Variants in ATG5 observed in about 807,000 individuals in gnomAD.
ATG5 encodes the protein autophagy related 5.
In ATG5, 14 loss-of-function variants were observed where a neutral mutation model predicts 36.5. That is an observed-to-expected ratio of 0.38 (90% CI 0.25 to 0.60). The LOEUF (loss-of-function observed/expected upper bound fraction) is 0.60, where lower values mean the gene tolerates loss of function less well. Among genes scored for constraint, ATG5 ranks in the 20% least tolerant of loss-of-function variants. The pLI is 0.60. For synonymous variants in ATG5, 95 were observed against 101.5 expected (o/e 0.94, Z 0.38); for missense variants, 195 against 326.7 (o/e 0.60, Z 3.11).
chr6:106,251,767 G>GAA, intron 5 of ATG5, among the ~76,000 whole-genome samples: 1 of 149,096 alleles, frequency 6.7e-6, no homozygotes, highest in African/African-American at 2.5e-5. Flanking sequence ...AAAAAGAAAA[G>GAA]AAGAAAAGAA....
intron 2 of ATG5, among the ~76,000 whole-genome samples, chr6:106,309,951 T>A (rs184483162): frequency 6.6e-6 from 1 of 152,090 alleles, no homozygotes; most frequent in Non-Finnish European, 1.5e-5. Flanking sequence ...CCACAGCTAA[T>A]GGGTATGGAT....
In ATG5 at chr6:106,223,056, T is replaced by C. The variant is rs1319169200; in HGVS notation, c.574-20967A>G. 2.0e-5 allele frequency among the ~76,000 whole-genome samples: 3 copies of C among 152,226 alleles called. No individual in the cohort carries two copies. In the East Asian group the frequency reaches 5.8e-4, roughly 29 times the overall value. The stretch of plus-strand genomic sequence containing the variant: ...TGTTGATTTCATTTAATAATAACTT[T>C]AGTAGTTTGGGATAACACTTTGCAT... On this transcript the variant is annotated intron_variant, in intron 6 of 7. Coordinates refer to ENST00000369076, the MANE Select transcript of ATG5 (RefSeq NM_004849.4).
chr6:106,273,825 G>T (rs1779543886), intron 5 of ATG5, among the ~76,000 whole-genome samples: 1 of 152,144 alleles, frequency 6.6e-6, no homozygotes, highest in Admixed American at 6.5e-5. Context: ...CAAAGAGCTG[G>T]AACGGCTGCA....
At position 106,290,224 on chromosome 6, in the gene ATG5, ATATTTTATTTTATTTATC is replaced by A. The variant is rs1311667379; in HGVS notation, c.315+2786_315+2803del. Among the ~76,000 whole-genome samples the A allele has an allele frequency of 1.2e-4, 18 of 147,112 alleles. 1 individual carries two copies. The highest frequency in any genetic ancestry group is 6.8e-4 in the Admixed American group (10 of 14,692). Reference sequence around the variant, plus strand: ...TTTTATTTTATTTTATTTATTTTATATATTTTATTTTATTTATCTATTTTATTTTATTTTATTTATTTT... The same window carrying A: ...TTTTATTTTATTTTATTTATTTTATATATTTTATTTTATTTTATTTATTTT... On this transcript the variant is annotated intron_variant, in intron 4 of 7. Transcript: ENST00000369076.
At chr6:106,219,480 C>T (rs1362114088) in intron 6 of ATG5, among the ~76,000 whole-genome samples, 1 of 152,164 alleles carries the variant, frequency 6.6e-6, no homozygotes. Context: ...TTGTACCAAA[C>T]ATGTACAGGC....
chr6:106,258,186 T>C (rs1270530222), intron 5 of ATG5, among the ~76,000 whole-genome samples: 1 of 106,638 alleles, frequency 9.4e-6, no homozygotes, highest in Admixed American at 1.4e-4. Context: ...TAATACAACA[T>C]AGGTAGATCC....
chr6:106,203,713 T>C (rs144736938), intron 6 of ATG5, among the ~76,000 whole-genome samples: 9 of 152,328 alleles, frequency 5.9e-5, no homozygotes, highest in Admixed American at 5.2e-4. Flanking sequence ...CCAGAGTAGC[T>C]GGGACTACAG....
chr6:106,217,922 T>C (rs1777100372), intron 6 of ATG5, among the ~76,000 whole-genome samples: 1 of 152,218 alleles, frequency 6.6e-6, no homozygotes, highest in Admixed American at 6.5e-5. Flanking sequence ...AGTCAAATTA[T>C]ATGCTTATTT....
intron 6 of ATG5, among the ~76,000 whole-genome samples, chr6:106,212,931 T>C (rs1776912407): frequency 6.6e-6 from 1 of 152,220 alleles, no homozygotes; most frequent in South Asian, 2.1e-4. Context: ...ATAGTGGTAA[T>C]AGGCACTACA....
At chr6:106,190,727 A>G (rs575225977) in intron 7 of ATG5, among the ~76,000 whole-genome samples, 1 of 152,304 alleles carries the variant, frequency 6.6e-6, no homozygotes, top group South Asian at 2.1e-4. Flanking sequence ...TTAGAATGGT[A>G]AGAATTACAT....
intron 6 of ATG5, among the ~76,000 whole-genome samples, chr6:106,207,559 GA>G (rs1421271592): frequency 6.6e-6 from 1 of 151,324 alleles, no homozygotes; most frequent in African/African-American, 2.4e-5. Context: ...AAGAAAGAAA[GA>G]AATGAAATGC....
intron 5 of ATG5, among the ~76,000 whole-genome samples, chr6:106,255,472 T>C (rs1379669535): frequency 6.6e-6 from 1 of 152,124 alleles, no homozygotes; most frequent in Non-Finnish European, 1.5e-5. Flanking sequence ...TATTAAGTAT[T>C]GAGAAAAGCA....
intron 2 of ATG5, among the ~76,000 whole-genome samples, chr6:106,315,830 G>C (rs1226188828): frequency 6.6e-6 from 1 of 152,088 alleles, no homozygotes; most frequent in African/African-American, 2.4e-5. Flanking sequence ...CACCATAGCT[G>C]ATGATTCCAT....
intron 5 of ATG5, among the ~76,000 whole-genome samples, chr6:106,269,398 G>A (rs1486693256): frequency 4.2e-5 from 4 of 95,160 alleles, no homozygotes; most frequent in South Asian, 2.9e-4. Context: ...GTCCCGCGCC[G>A]TGCCCCGCAC....
At chr6:106,298,089 C>T (rs558393626) in intron 3 of ATG5, among the ~76,000 whole-genome samples, 3 of 151,652 alleles carry the variant, frequency 2.0e-5, no homozygotes, top group East Asian at 1.9e-4. Context: ...CTCAGCCTCC[C>T]GAGTAGCTGG....
intron 7 of ATG5, among the ~76,000 whole-genome samples, chr6:106,189,181 A>C (rs1423552555): frequency 2.0e-5 from 3 of 152,220 alleles, no homozygotes; most frequent in Non-Finnish European, 4.4e-5. Context: ...ACCCGTAAAG[A>C]CTGTTTTGGT....
At chr6:106,254,337 G>A (rs1171122482) in intron 5 of ATG5, among the ~76,000 whole-genome samples, 1 of 152,086 alleles carries the variant, frequency 6.6e-6, no homozygotes, top group Non-Finnish European at 1.5e-5. Context: ...AGTATGTACT[G>A]TCGCTCTCCC....
chr6:106,234,997 G>A (rs1777837767), intron 6 of ATG5, among the ~76,000 whole-genome samples: 1 of 151,088 alleles, frequency 6.6e-6, no homozygotes, highest in Admixed American at 6.6e-5. Context: ...TGTTATTTTA[G>A]CGGAAGAATG....
rs1029043797 is a variant in ATG5 at position 106,325,707 on chromosome 6, G to A, written c.-240C>T. ...AAGCACCGGCGCGGAGGTCGGAGCT[G>A]AACCCTGCTGCACTTCCGCCCTCTG... On this transcript the variant is annotated 5_prime_UTR_variant, in exon 1 of 8. Transcript: ENST00000369076. The A allele has an allele frequency of 7.2e-5, 11 of 152,976 alleles. No individual in the cohort carries two copies. Among genetic ancestry groups the A allele is most frequent in the Non-Finnish European group, 1.6e-4 (11 of 68,240 alleles). 9.5% of individuals were successfully genotyped at this position (152,976 alleles called of 1,614,324 possible).
Sources: gnomAD v4.1 joint callset for allele counts (sites outside exome capture counted in the v4.1 genomes callset) on GRCh38, gnomAD v4.1.1 for gene constraint, MANE v1.5 for transcripts, NCBI Gene and HGNC (gene_info 2026-07-23, HGNC 2026-07-21) for gene names.